Variants in NAA16 observed in about 807,000 individuals in gnomAD.
NAA16 encodes the protein NARG1-like protein.
A neutral mutation model predicts 110.3 loss-of-function variants in NAA16; 97 were observed. That is an observed-to-expected ratio of 0.88 (90% CI 0.75 to 1.04). The LOEUF is 1.04. Among genes scored for constraint, NAA16 ranks in the 50% least tolerant of loss-of-function variants. The pLI is 0.00. For synonymous variants in NAA16, 372 were observed against 330.6 expected, an observed-to-expected ratio of 1.13 and a Z score of -1.36; for missense variants, 1,017 against 1,005.1, an observed-to-expected ratio of 1.01 and a Z score of -0.16.
rs995925036 is a variant in NAA16 at position 41,374,840 on chromosome 13, G to C, written c.2397+1G>C. On this transcript the variant is annotated splice_donor_variant, in intron 19 of 19. Transcript: ENST00000379406. LOFTEE classifies it high-confidence loss of function. The stretch of plus-strand genomic sequence containing the variant: ...AACTATAAAAGATAAAGATGTAAAG[G>C]TAAGTTTTTTTTCTTTGGCTGATTT... 23 of 1,588,760 alleles carry C rather than the reference G, an allele frequency of 1.4e-5. No homozygotes were observed. Among genetic ancestry groups the C allele is most frequent in the Non-Finnish European group, 1.9e-5 (22 of 1,164,022 alleles).
In NAA16 at chr13:41,369,269, G is replaced by A. The variant is rs761200940; in HGVS notation, c.1933G>A (p.Glu645Lys). 1 of 1,565,480 alleles carries A rather than the reference G, an allele frequency of 6.4e-7. No homozygotes were observed. The highest frequency in any genetic ancestry group is 1.2e-5 in the South Asian group (1 of 81,564). ...TGGCCTTAAGGAAGAACTTATACCT[G>A]AAAAATTAGAAAGGGTGAGATGGGT... ...ASGLKEELIP[E>K]KLERVENPLE... Residue 645 changes from glutamate (E) to lysine (K), a missense_variant, in exon 15 of 20, where the codon GAA becomes AAA. Physicochemically the swap from Glu to Lys is moderately conservative, Grantham distance 56 (BLOSUM62 1). Coordinates refer to ENST00000379406, the MANE Select transcript of NAA16 (RefSeq NM_024561.5).
intron 1 of NAA16, among the ~76,000 whole-genome samples, chr13:41,311,826 C>G (rs944246256): frequency 1.3e-5 from 2 of 152,350 alleles, no homozygotes; most frequent in South Asian, 4.1e-4. Context: ...CCGCCGCGCT[C>G]TTTCCAGAAA....
intron 5 of NAA16, among the ~76,000 whole-genome samples, chr13:41,324,428 T>C (rs1429420944): frequency 1.5e-5 from 2 of 130,242 alleles, no homozygotes; most frequent in Non-Finnish European, 3.1e-5. Flanking sequence ...CAGGCTAGAG[T>C]TCAGTGGTGC....
At chr13:41,347,528 A>G (rs368658347) in intron 9 of NAA16, among the ~76,000 whole-genome samples, 139 of 152,126 alleles carry the variant, frequency 9.1e-4, no homozygotes, top group African/African-American at 3.2e-3. Flanking sequence ...CTTTCAACCA[A>G]TGTTTTGTAA....
intron 8 of NAA16, among the ~76,000 whole-genome samples, chr13:41,335,077 A>G (rs1429442052): frequency 2.6e-5 from 4 of 152,220 alleles, no homozygotes; most frequent in African/African-American, 4.8e-5. Context: ...ATTTGTCAAT[A>G]TGATCTGAAT....
intron 1 of NAA16, among the ~76,000 whole-genome samples, chr13:41,312,741 A>G (rs990845573): frequency 3.9e-5 from 6 of 152,190 alleles, no homozygotes; most frequent in Non-Finnish European, 8.8e-5. Context: ...TCAAGACGAT[A>G]GAAACTTCAC....
At chr13:41,324,212 T>G (rs1414747031) in intron 5 of NAA16, among the ~76,000 whole-genome samples, 1 of 152,152 alleles carries the variant, frequency 6.6e-6, no homozygotes, top group Non-Finnish European at 1.5e-5. Flanking sequence ...GAGAATTGAT[T>G]AGACTGGTTC....
rs1566231995 is a variant in NAA16, at chr13:41,311,588, T to C, written c.54+6T>C. 6.2e-6 allele frequency: 10 copies of C among 1,605,372 alleles called. No homozygotes were observed. The highest frequency in any genetic ancestry group is 6.0e-6 in the Non-Finnish European group (7 of 1,176,412). On this transcript the variant is annotated splice_donor_region_variant and intron_variant, in intron 1 of 19. Transcript: ENST00000379406. The stretch of plus-strand genomic sequence containing the variant: ...ACCTCTTCAAACGCATCTTGGTGAG[T>C]GGCCGTAGGCCGCGCTGCCGCCCCC...
At chr13:41,335,828 C>T (rs1162823584) in intron 8 of NAA16, among the ~76,000 whole-genome samples, 1 of 148,418 alleles carries the variant, frequency 6.7e-6, no homozygotes, top group East Asian at 2.0e-4. Flanking sequence ...AGTCATCTTA[C>T]TTGAGGCTAA....
chr13:41,315,072 A>G (rs1168944821), intron 1 of NAA16, among the ~76,000 whole-genome samples: 1 of 152,186 alleles, frequency 6.6e-6, no homozygotes, highest in Non-Finnish European at 1.5e-5. Flanking sequence ...GACACTAAAT[A>G]ATAGCATAAA....
At chr13:41,373,829 A>G in intron 18 of NAA16, 49 bp downstream of exon 18, 2 of 1,538,828 alleles carry the variant, frequency 1.3e-6, no homozygotes, top group Non-Finnish European at 1.7e-6. Context: ...AAAGCGAACA[A>G]AGAGAAAGCT....
intron 8 of NAA16, among the ~76,000 whole-genome samples, chr13:41,332,706 TTTCTA>T (rs1239591448): frequency 6.6e-6 from 1 of 152,228 alleles, no homozygotes; most frequent in African/African-American, 2.4e-5. Context: ...AGGAGTTTAT[TTTCTA>T]TTCTCATAGT....
At chr13:41,366,121 A>G (rs2043203057) in intron 13 of NAA16, among the ~76,000 whole-genome samples, 1 of 152,110 alleles carries the variant, frequency 6.6e-6, no homozygotes, top group Non-Finnish European at 1.5e-5. Context: ...ATTTGATTTT[A>G]TTGGTGGGAA....
At chr13:41,332,040 A>C (rs1239490775) in intron 8 of NAA16, among the ~76,000 whole-genome samples, 1 of 152,096 alleles carries the variant, frequency 6.6e-6, no homozygotes, top group East Asian at 1.9e-4. Context: ...TTTGAGTGGT[A>C]AAAGTTTTGA....
intron 5 of NAA16, 72 bp from the exon 6 acceptor site, chr13:41,325,626 G>A: frequency 1.1e-6 from 1 of 931,590 alleles, no homozygotes; most frequent in South Asian, 2.2e-5. Context: ...TCCTGAGAAG[G>A]CAGTTTAATT....
At chr13:41,353,764 C>T (rs1264425875) in intron 9 of NAA16, among the ~76,000 whole-genome samples, 1 of 76,444 alleles carries the variant, frequency 1.3e-5, no homozygotes, top group Non-Finnish European at 2.5e-5. Context: ...GCGACCCTGT[C>T]TCTTACACAC....
At chr13:41,352,591 G>T (rs1375796327) in intron 9 of NAA16, among the ~76,000 whole-genome samples, 1 of 152,126 alleles carries the variant, frequency 6.6e-6, no homozygotes, top group Non-Finnish European at 1.5e-5. Flanking sequence ...GGAGGCAGAG[G>T]TTGCAGTGAG....
intron 9 of NAA16, 64 bp downstream of exon 9, chr13:41,336,820 A>G (rs1566264338): frequency 3.4e-6 from 3 of 869,730 alleles, no homozygotes; most frequent in Non-Finnish European, 5.4e-6. Flanking sequence ...AAAGATGTCC[A>G]TGTAAATAAT....
chr13:41,367,384 G>A (rs2043226705), intron 13 of NAA16, 55 bp from the exon 14 acceptor site: 1 of 1,264,690 alleles, frequency 7.9e-7, no homozygotes, highest in Admixed American at 2.2e-5. Context: ...TTTTTCTAAA[G>A]GTAGACATTA....
Sources: gnomAD v4.1 joint callset for allele counts (sites outside exome capture counted in the v4.1 genomes callset) on GRCh38, gnomAD v4.1.1 for gene constraint, MANE v1.5 for transcripts, NCBI Gene and HGNC (gene_info 2026-07-23, HGNC 2026-07-21) for gene names.